The following COG7 variants were observed in gnomAD, a reference collection of about 807,000 sequenced individuals.
The protein encoded by COG7 is component of oligomeric golgi complex 7.
A neutral mutation model predicts 91.5 loss-of-function variants in COG7; 49 were observed. The ratio of observed to expected loss-of-function variants is 0.54; its 90% confidence interval spans 0.43 to 0.68. COG7 has a LOEUF of 0.68. Among genes scored for constraint, COG7 ranks in the 30% least tolerant of loss-of-function variants. The probability of loss-of-function intolerance (pLI) is 0.00; values close to 1 mark genes in which losing one functional copy is unlikely to be tolerated. For synonymous variants in COG7, 365 were observed against 388.7 expected, an observed-to-expected ratio of 0.94 and a Z score of 0.72; for missense variants, 895 against 961.3, an observed-to-expected ratio of 0.93 and a Z score of 0.91.
At chr16:23,428,160 T>C (rs985262385) in intron 6 of COG7, among the ~76,000 whole-genome samples, 12 of 149,654 alleles carry the variant, frequency 8.0e-5, no homozygotes, top group Admixed American at 6.7e-4. Flanking sequence ...CTGACCAACA[T>C]AGTGAAACCC....
At chr16:23,394,729 C>T (rs1293165798) in intron 14 of COG7, among the ~76,000 whole-genome samples, 4 of 152,122 alleles carry the variant, frequency 2.6e-5, no homozygotes, top group Non-Finnish European at 5.9e-5. Flanking sequence ...TGATCATGCC[C>T]TTCTTTCCAA....
intron 1 of COG7, 70 bp downstream of exon 1, chr16:23,452,756 G>C: frequency 1.9e-6 from 3 of 1,545,036 alleles, no homozygotes; most frequent in East Asian, 4.9e-5. Context: ...AGTGCCTCAC[G>C]CAAGTTCGGT....
At position 23,403,718 on chromosome 16, in the gene COG7, C is replaced by A; in HGVS notation, c.1779G>T (p.Gln593His). 1 of 1,614,134 alleles carries A rather than the reference C, an allele frequency of 6.2e-7. No individual in the cohort carries two copies. Among genetic ancestry groups the A allele is most frequent in the Non-Finnish European group, 8.5e-7 (1 of 1,180,000 alleles). The change falls in exon 13 of 17, where the codon CAG becomes CAT. Residue 593 changes from glutamine (Q) to histidine (H), a missense_variant. Gln to His is a conservative substitution (Grantham distance 24). Transcript: ENST00000307149. ...FDSVFLRIKQ[Q>H]LLLISKMDSW... is the part of the protein sequence containing the mutation. Reference sequence around the variant, plus strand: ...CGTCCATCTTCGAAATAAGCAACAGCTGTTGTTTGATGCGCAGGAACACGG... The same window carrying A: ...CGTCCATCTTCGAAATAAGCAACAGATGTTGTTTGATGCGCAGGAACACGG...
chr16:23,400,994 C>A (rs1183446472), intron 13 of COG7, among the ~76,000 whole-genome samples: 2 of 150,422 alleles, frequency 1.3e-5, no homozygotes, highest in East Asian at 3.9e-4. Context: ...GGGGGGAAAA[C>A]AGCAGAGAAT....
chr16:23,442,788 C>CT, intron 3 of COG7, 143 bp from the exon 4 acceptor site: 1 of 765,804 alleles, frequency 1.3e-6, no homozygotes, highest in Admixed American at 2.0e-5. Flanking sequence ...GTAATCCCAG[C>CT]ACTTTCGGAG....
chr16:23,451,539 C>A (rs138705452), intron 1 of COG7, among the ~76,000 whole-genome samples: 4 of 151,996 alleles, frequency 2.6e-5, no homozygotes, highest in Admixed American at 6.6e-5. Context: ...CATAGTGCGA[C>A]CTTGTCTCTA....
chr16:23,437,047 TG>T (rs1371425325), intron 4 of COG7, among the ~76,000 whole-genome samples: 1 of 152,086 alleles, frequency 6.6e-6, no homozygotes, highest in African/African-American at 2.4e-5. Context: ...CAAGGGGGCT[TG>T]GGCCAGGCAT....
At chr16:23,396,348 T>C (rs1304415624) in intron 14 of COG7, among the ~76,000 whole-genome samples, 1 of 152,106 alleles carries the variant, frequency 6.6e-6, no homozygotes, top group Non-Finnish European at 1.5e-5. Context: ...ATTTTCTGAA[T>C]CAATTTAGAC....
At chr16:23,433,297 G>A (rs1963961969) in intron 6 of COG7, among the ~76,000 whole-genome samples, 1 of 152,074 alleles carries the variant, frequency 6.6e-6, no homozygotes, top group African/African-American at 2.4e-5. Flanking sequence ...CACCGTGTTG[G>A]CCAGGCTGGT....
intron 7 of COG7, among the ~76,000 whole-genome samples, chr16:23,424,526 C>A (rs1370576877): frequency 2.0e-5 from 3 of 152,156 alleles, no homozygotes; most frequent in Non-Finnish European, 4.4e-5. Flanking sequence ...GCATGTAAGG[C>A]ACCCAGGCAG....
chr16:23,439,303 C>T (rs1201710425), intron 4 of COG7, among the ~76,000 whole-genome samples: 92 of 113,680 alleles, frequency 8.1e-4, no homozygotes, highest in African/African-American at 3.3e-3. Flanking sequence ...AACTGTGTCT[C>T]CAAAAAAAAA....
At position 23,445,052 on chromosome 16, in the gene COG7, G is replaced by T. The variant is rs1455452193; in HGVS notation, c.431C>A (p.Thr144Asn). The T allele has an allele frequency of 6.2e-7, 1 of 1,610,740 alleles. No homozygotes were observed. Among genetic ancestry groups the T allele is most frequent in the Admixed American group, 1.7e-5 (1 of 59,996 alleles). ...LSADIEETFKTQDIAVISAKL... is the reference protein window; with the variant it reads ...LSADIEETFKNQDIAVISAKL... ...TCCCCTAAACAAGAAACCTACCTGA[G>T]TCTTAAATGTCTCCTCAATATCGGC... Residue 144 changes from threonine to asparagine, a missense_variant, in exon 3 of 17, where the codon ACT becomes AAT. Coordinates refer to ENST00000307149, the MANE Select transcript of COG7 (RefSeq NM_153603.4).
rs34646144 is a variant in COG7, at chr16:23,394,057, GAA to G, written c.1888-712_1888-711del. On this transcript the variant is annotated intron_variant, in intron 14 of 16. Coordinates refer to ENST00000307149, the MANE Select transcript of COG7 (RefSeq NM_153603.4). ...TCAAAAAAAAAGAGACTCTGTCTCA[GAA>G]AAAAAAAAAAAAAACCTGTCTTCTG... Among the ~76,000 whole-genome samples, 18 of 107,284 alleles carry G rather than the reference GAA, an allele frequency of 1.7e-4. 1 individual carries two copies. Among genetic ancestry groups the G allele is most frequent in the South Asian group, 5.7e-4 (2 of 3,534 alleles). The allele number at this position is 107,284 out of a possible 152,430, so 70.4% of individuals were successfully genotyped here.
In COG7 at chr16:23,452,811, C is replaced by T. The variant is rs758917552; in HGVS notation, c.169+15G>A. The T allele has an allele frequency of 2.5e-6, 4 of 1,606,694 alleles. No homozygotes were observed. Among genetic ancestry groups the T allele is most frequent in the East Asian group, 4.5e-5 (2 of 44,452 alleles). On this transcript the variant is annotated intron_variant, in intron 1 of 16. Coordinates refer to ENST00000307149, the MANE Select transcript of COG7 (RefSeq NM_153603.4). ...GCAGGGGAGGGTCCCGCGGCCAGGG[C>T]CCCGAGCGGCTCACCCTCCACGGCG...
intron 1 of COG7, 135 bp downstream of exon 1, chr16:23,452,691 G>A: frequency 6.9e-7 from 1 of 1,458,270 alleles, no homozygotes; most frequent in South Asian, 1.4e-5. Context: ...TCAGGAGTTC[G>A]GGGCTTGCTC....
At position 23,413,518 on chromosome 16, in the gene COG7, ACTT is replaced by A; in HGVS notation, c.1336_1338del (p.Lys446del). The A allele has an allele frequency of 6.2e-7, 1 of 1,613,290 alleles. No homozygotes were observed. On this transcript the variant is annotated inframe_deletion, in exon 10 of 17. Coordinates refer to ENST00000307149, the MANE Select transcript of COG7 (RefSeq NM_153603.4). Reference sequence around the variant, plus strand: ...TTGGGAGGAATGTGGTCCAGTTTGCACTTCTTTCGTATGGACTGGAGAGTGCTG... The same window carrying A: ...TTGGGAGGAATGTGGTCCAGTTTGCACTTTCGTATGGACTGGAGAGTGCTG...
intron 9 of COG7, chr16:23,414,389 G>A (rs1360484427): frequency 6.6e-6 from 1 of 152,248 alleles, no homozygotes; most frequent in Non-Finnish European, 1.5e-5. Context: ...AGCACTTTGG[G>A]AGGCCGAGGT....
At chr16:23,416,596 G>C (rs1265741241) in intron 9 of COG7, 2 of 321,226 alleles carry the variant, frequency 6.2e-6, no homozygotes, top group Admixed American at 4.7e-5. Context: ...GCCTCCCAAA[G>C]TACTGGGATT....
chr16:23,398,159 T>A, intron 13 of COG7, 30 bp from the exon 14 acceptor site: 1 of 1,582,746 alleles, frequency 6.3e-7, no homozygotes, highest in African/African-American at 1.3e-5. Flanking sequence ...ACACAATCAG[T>A]ACCTAGCAGC....
Sources: gnomAD v4.1 joint callset for allele counts (sites outside exome capture counted in the v4.1 genomes callset) on GRCh38, gnomAD v4.1.1 for gene constraint, MANE v1.5 for transcripts, NCBI Gene and HGNC (gene_info 2026-07-23, HGNC 2026-07-21) for gene names.